CDRT4: variants seen among roughly 807,000 people sequenced by gnomAD.
CDRT4 encodes CMT1A duplicated region transcript 4.
For synonymous variants in CDRT4, 64 were observed against 69.6 expected (o/e 0.92, Z 0.40); for missense variants, 167 against 193.1 (o/e 0.87, Z 0.80).
intron 2 of CDRT4, chr17:15,443,604 T>C (rs1446784479): frequency 3.2e-6 from 1 of 316,202 alleles, no homozygotes; most frequent in East Asian, 9.3e-5. Context: ...TAAAAATGTC[T>C]GGTAATTGCT....
At chr17:15,459,491 C>T (rs1209150323) in intron 1 of CDRT4, among the ~76,000 whole-genome samples, 1 of 132,720 alleles carries the variant, frequency 7.5e-6, no homozygotes, top group East Asian at 2.3e-4. Flanking sequence ...GTCACCTAGG[C>T]TGGAGTGCAG....
At chr17:15,441,414 G>A (rs959326700) in intron 2 of CDRT4, among the ~76,000 whole-genome samples, 4 of 152,176 alleles carry the variant, frequency 2.6e-5, no homozygotes, top group Admixed American at 6.5e-5. Context: ...ACTCCTAAAT[G>A]ATACTGATGT....
At chr17:15,463,603 G>A (rs954597415) in intron 1 of CDRT4, among the ~76,000 whole-genome samples, 1 of 152,094 alleles carries the variant, frequency 6.6e-6, no homozygotes, top group African/African-American at 2.4e-5. Flanking sequence ...AATTTTCCTC[G>A]TTGACTTTCC....
At chr17:15,444,135 T>C in intron 2 of CDRT4, 1 of 1,290,308 alleles carries the variant, frequency 7.8e-7, no homozygotes, top group Non-Finnish European at 1.1e-6. Context: ...AATCAGGAAA[T>C]TTTTGGATGG....
Position 15,437,871 on chromosome 17 carries a change from AGT to A in CDRT4, c.359_360del (p.His120LeufsTer11). On this transcript the variant is annotated frameshift_variant, in exon 4 of 4. Coordinates refer to ENST00000619038, the MANE Select transcript of CDRT4 (RefSeq NM_001204477.2). LOFTEE classifies it low-confidence loss of function (END_TRUNC). The stretch of plus-strand genomic sequence containing the variant: ...GGACAGTCTCTGGAATCCGCATGTA[AGT>A]GTGTGGGTTCTGGGATCATGGTAGG... ...MAPTMIPEPT[H>X]LHADSRDCPT... The A allele has an allele frequency of 6.2e-7, 1 of 1,614,132 alleles. No homozygotes were observed. Among genetic ancestry groups the A allele is most frequent in the African/African-American group, 1.3e-5 (1 of 75,026 alleles).
At position 15,464,295 on chromosome 17, in the gene CDRT4, C is replaced by G. The variant is rs1351405806; in HGVS notation, c.-130+3165G>C. ...GTTTGAGAGCTGATGCATCCATACTCCAAATAGACCTTGAGCCCGTCAAAG... is the reference window on the plus strand; with the variant it reads ...GTTTGAGAGCTGATGCATCCATACTGCAAATAGACCTTGAGCCCGTCAAAG... On this transcript the variant is annotated intron_variant, in intron 1 of 3. Transcript: ENST00000619038. The surrounding 1 kb of genome is among the most constrained non-coding windows in gnomAD (Gnocchi z 4.5). Among the ~76,000 whole-genome samples the G allele has an allele frequency of 5.3e-5, 8 of 152,156 alleles. No homozygotes were observed. Among genetic ancestry groups the G allele is most frequent in the Admixed American group, 6.5e-5 (1 of 15,282 alleles).
intron 2 of CDRT4, among the ~76,000 whole-genome samples, chr17:15,447,203 G>A (rs114704364): frequency 0.051 from 7,710 of 152,304 alleles, 445 homozygotes; most frequent in South Asian, 0.24. Context: ...CCACTCTGCA[G>A]TCAGGTACTG....
intron 2 of CDRT4, among the ~76,000 whole-genome samples, chr17:15,449,214 T>G (rs1030234716): frequency 3.9e-5 from 6 of 152,226 alleles, no homozygotes; most frequent in Non-Finnish European, 7.3e-5. Flanking sequence ...AACATTTCTA[T>G]GCCGTGTGGT....
At position 15,438,159 on chromosome 17, in the gene CDRT4, T is replaced by G. The variant is rs369481568; in HGVS notation, c.73A>C (p.Lys25Gln). Residue 25 changes from lysine to glutamine, a missense_variant, in exon 4 of 4, where the codon AAA (lysine) becomes CAA (glutamine). Lys to Gln is a moderately conservative substitution (Grantham distance 53). Coordinates refer to ENST00000619038, the MANE Select transcript of CDRT4 (RefSeq NM_001204477.2). ...ACATAGGCCGGCCAGGGGTCATGTT[T>G]TTCAAGTAGCTTCCGGGGAAGTCCA... is the stretch of plus-strand genomic sequence containing the variant. ...NTGLPRKLLE[K>Q]HDPWPAYVTY... 6.2e-7 allele frequency: 1 copy of G among 1,614,030 alleles called. No homozygotes were observed. Among genetic ancestry groups the G allele is most frequent in the African/African-American group, 1.3e-5 (1 of 74,914 alleles).
chr17:15,446,635 G>A (rs1455990911), intron 2 of CDRT4, among the ~76,000 whole-genome samples: 1 of 152,100 alleles, frequency 6.6e-6, no homozygotes, highest in Non-Finnish European at 1.5e-5. Flanking sequence ...TGCATACAGT[G>A]GGCCATTTGG....
chr17:15,456,573 C>CAT (rs1009374814), intron 1 of CDRT4, among the ~76,000 whole-genome samples: 1 of 151,654 alleles, frequency 6.6e-6, no homozygotes, highest in African/African-American at 2.4e-5. Flanking sequence ...TACACACACA[C>CAT]ACACACACAC....
At chr17:15,442,750 A>G (rs1978827056) in intron 2 of CDRT4, among the ~76,000 whole-genome samples, 1 of 152,238 alleles carries the variant, frequency 6.6e-6, no homozygotes, top group Admixed American at 6.5e-5. Context: ...AGCAGGAACT[A>G]GGAAACGATA....
At chr17:15,466,172 T>C (rs1980034057) in intron 1 of CDRT4, among the ~76,000 whole-genome samples, 1 of 152,200 alleles carries the variant, frequency 6.6e-6, no homozygotes, top group Non-Finnish European at 1.5e-5. Flanking sequence ...TGACAGAGTC[T>C]GGATTTGAAC....
At chr17:15,461,286 G>C (rs1979736098) in intron 1 of CDRT4, among the ~76,000 whole-genome samples, 1 of 152,184 alleles carries the variant, frequency 6.6e-6, no homozygotes, top group Non-Finnish European at 1.5e-5. Context: ...CCAGGCATAG[G>C]GATAGCAAGG....
chr17:15,442,749 T>C (rs1488168110), intron 2 of CDRT4, among the ~76,000 whole-genome samples: 1 of 152,200 alleles, frequency 6.6e-6, no homozygotes, highest in Admixed American at 6.5e-5. Flanking sequence ...AAGCAGGAAC[T>C]AGGAAACGAT....
In CDRT4 at chr17:15,448,577, A is replaced by G. The variant is rs536416004; in HGVS notation, c.-48+4427T>C. On this transcript the variant is annotated intron_variant, in intron 2 of 3. Transcript: ENST00000619038. Reference sequence around the variant, plus strand: ...CAGACACCCCTGGGACTTTCTGCCAAGAGAACTTTGTCAGGTCATCATCAG... The same window carrying G: ...CAGACACCCCTGGGACTTTCTGCCAGGAGAACTTTGTCAGGTCATCATCAG... Among the ~76,000 whole-genome samples, 6 of 152,314 alleles carry G rather than the reference A, an allele frequency of 3.9e-5. No individual in the cohort carries two copies. In the East Asian group the frequency reaches 1.2e-3, roughly 29 times the overall value.
At chr17:15,451,221 G>A (rs1979247241) in intron 2 of CDRT4, among the ~76,000 whole-genome samples, 1 of 152,128 alleles carries the variant, frequency 6.6e-6, no homozygotes, top group Non-Finnish European at 1.5e-5. Context: ...TGCACATGCT[G>A]TCTTGCCTGC....
chr17:15,457,123 G>A (rs544076923), intron 1 of CDRT4, among the ~76,000 whole-genome samples: 1 of 152,134 alleles, frequency 6.6e-6, no homozygotes, highest in East Asian at 1.9e-4. Context: ...TGAGGATTGA[G>A]GTCTGCTGCA....
chr17:15,437,414 G>T lies in CDRT4; in HGVS notation c.*359C>A. On this transcript the variant is annotated 3_prime_UTR_variant, in exon 4 of 4. Coordinates refer to ENST00000619038, the MANE Select transcript of CDRT4 (RefSeq NM_001204477.2). ...TTGTATTCCCTTCCTGCCCTTTACT[G>T]TCACCTGGTTAATCATTCTTTATAT... 3.5e-6 allele frequency: 1 copy of T among 288,830 alleles called. No individual in the cohort carries two copies. The highest frequency in any genetic ancestry group is 4.9e-5 in the South Asian group (1 of 20,524). The allele number at this position is 288,830 out of a possible 1,614,324, so 17.9% of individuals were successfully genotyped here.
Sources: gnomAD v4.1 joint callset for allele counts (sites outside exome capture counted in the v4.1 genomes callset) on GRCh38, gnomAD v4.1.1 for gene constraint, Gnocchi (gnomAD v3.1) non-coding constraint, MANE v1.5 for transcripts, NCBI Gene and HGNC (gene_info 2026-07-23, HGNC 2026-07-21) for gene names.